The following USO1 variants were observed in gnomAD, a reference collection of about 807,000 sequenced individuals.
USO1 encodes USO1 vesicle transport factor.
USO1 carries 57 observed loss-of-function variants against 124.5 expected under a neutral mutation model. The ratio of observed to expected loss-of-function variants is 0.46; its 90% CI spans 0.37 to 0.57. The LOEUF is 0.57. Ranked by LOEUF, USO1 falls within the 20% of genes least tolerant of loss-of-function variation. The pLI is 0.00. For synonymous variants in USO1, 369 were observed against 362.8 expected (o/e 1.02, Z -0.19); for missense variants, 900 against 1,040.6 (o/e 0.86, Z 1.86).
chr4:75,724,636 T>C lies in USO1; in HGVS notation c.-184T>C, dbSNP rs1390401627. 1 of 601,584 alleles carries C rather than the reference T, an allele frequency of 1.7e-6. No homozygotes were observed. 37.3% of individuals were successfully genotyped at this position (601,584 alleles called of 1,614,324 possible). ...TGCCACGTCCCCGCGCATGCGCATC[T>C]TGGCCGCTGCTGGCGGCTGTTTCCG... On this transcript the variant is annotated 5_prime_UTR_variant, in exon 1 of 24. Coordinates refer to ENST00000514213, the MANE Select transcript of USO1 (RefSeq NM_003715.4).
chr4:75,734,810 C>A (rs1720742387), intron 1 of USO1, among the ~76,000 whole-genome samples: 2 of 139,560 alleles, frequency 1.4e-5, no homozygotes, highest in Non-Finnish European at 3.0e-5. Context: ...CTCACTGCAA[C>A]CTCTGTCTCC....
intron 17 of USO1, among the ~76,000 whole-genome samples, chr4:75,802,736 C>CTTTT (rs997798305): frequency 0.014 from 859 of 63,396 alleles, no homozygotes; most frequent in East Asian, 0.029. Flanking sequence ...TTTTTCTTTT[C>CTTTT]TTTTTTTTTT....
intron 17 of USO1, among the ~76,000 whole-genome samples, chr4:75,802,230 A>G (rs149071413): frequency 3.1e-3 from 469 of 152,388 alleles, no homozygotes; most frequent in African/African-American, 0.011. Context: ...TAATCTTAGA[A>G]TGGTAAAATT....
chr4:75,736,780 C>T (rs1178116713), intron 1 of USO1, among the ~76,000 whole-genome samples: 1 of 152,176 alleles, frequency 6.6e-6, no homozygotes, highest in Non-Finnish European at 1.5e-5. Flanking sequence ...TTTCTCAGAG[C>T]ACCTAATACC....
chr4:75,807,898 AT>A (rs1220212858), intron 20 of USO1, among the ~76,000 whole-genome samples: 1 of 151,984 alleles, frequency 6.6e-6, no homozygotes, highest in Non-Finnish European at 1.5e-5. Flanking sequence ...AAATATATGT[AT>A]TTTTTAAGTG....
Position 75,762,944 on chromosome 4 carries a change from A to G in USO1, c.295+5371A>G, listed in dbSNP as rs536803343. Among the ~76,000 whole-genome samples the G allele has an allele frequency of 1.0e-3, 152 of 152,336 alleles. 2 individuals carry two copies. Among genetic ancestry groups the G allele is most frequent in the Non-Finnish European group, 1.9e-3 (128 of 68,024 alleles). On this transcript the variant is annotated intron_variant, in intron 4 of 23. Coordinates refer to ENST00000514213, the MANE Select transcript of USO1 (RefSeq NM_003715.4). ...CTCCGTCTCAAAACAAAAACAACAA[A>G]AAAAGTATACATGTACCTGTTTAAT... is the stretch of plus-strand genomic sequence containing the variant.
intron 13 of USO1, among the ~76,000 whole-genome samples, chr4:75,798,668 A>G (rs1272014772): frequency 6.6e-6 from 1 of 152,212 alleles, no homozygotes; most frequent in Non-Finnish European, 1.5e-5. Flanking sequence ...TGAAATTAGA[A>G]TAGTCTGGGT....
At chr4:75,799,461 A>G (rs1196558048) in intron 13 of USO1, among the ~76,000 whole-genome samples, 161 bp from the exon 14 acceptor site, 3 of 152,186 alleles carry the variant, frequency 2.0e-5, no homozygotes, top group African/African-American at 7.2e-5. Context: ...GGTGCATACA[A>G]TAATTTATTC....
rs745415971 is a variant in USO1 at position 75,724,783 on chromosome 4, C to T, written c.-37C>T. The T allele has an allele frequency of 9.9e-6, 16 of 1,609,280 alleles. No individual in the cohort carries two copies. The African/African-American group carries it at 2.0e-4, about 20-fold the overall frequency. On this transcript the variant is annotated 5_prime_UTR_variant, in exon 1 of 24. Transcript: ENST00000514213. ...CGGGGGAAGTTGTCTTCTTTTTTTT[C>T]CGGAGGGGCCGGTAAACCTGGTGGC... is the stretch of plus-strand genomic sequence containing the variant.
intron 4 of USO1, among the ~76,000 whole-genome samples, chr4:75,762,806 T>G (rs1392420059): frequency 6.6e-6 from 1 of 152,108 alleles, no homozygotes; most frequent in Admixed American, 6.6e-5. Flanking sequence ...CGGGCCCCTG[T>G]AGTCCCAGCT....
chr4:75,807,383 A>C (rs1434962060), intron 20 of USO1, among the ~76,000 whole-genome samples: 1 of 146,922 alleles, frequency 6.8e-6, no homozygotes, highest in Non-Finnish European at 1.5e-5. Context: ...TTTTTTTTTT[A>C]ATCCAAGCAA....
Position 75,813,376 on chromosome 4 carries a change from A to C in USO1, c.*81A>C, listed in dbSNP as rs1723204988. On this transcript the variant is annotated 3_prime_UTR_variant, in exon 24 of 24. Transcript: ENST00000514213. ...AAACTTTGGTTTACCTCCATGGAAA[A>C]TAAAGATTTAGAAACCAGGTGGAAA... The C allele has an allele frequency of 3.6e-6, 5 of 1,390,110 alleles. No homozygotes were observed. Among genetic ancestry groups the C allele is most frequent in the Non-Finnish European group, 4.7e-6 (5 of 1,057,710 alleles). 86.1% of individuals were successfully genotyped at this position (1,390,110 alleles called of 1,614,324 possible). A position where few individuals can be genotyped will look rare whatever the true frequency, so the allele number is the denominator to read the frequency against.
intron 12 of USO1, among the ~76,000 whole-genome samples, chr4:75,791,203 T>A (rs1314736027): frequency 6.6e-6 from 1 of 152,142 alleles, no homozygotes. Context: ...GTAAACAGAA[T>A]CTACTGTTAA....
Position 75,782,688 on chromosome 4 carries a change from G to T in USO1, c.685G>T (p.Val229Phe). 6.4e-7 allele frequency: 1 copy of T among 1,561,204 alleles called. No homozygotes were observed. The highest frequency in any genetic ancestry group is 8.7e-7 in the Non-Finnish European group (1 of 1,152,936). The change falls in exon 9 of 24, where the codon GTT becomes TTT. Residue 229 changes from valine (V) to phenylalanine (F), a missense_variant. Val to Phe is a conservative substitution (Grantham distance 50). This residue lies in a region of USO1 where 538 missense variants were observed against 681.6 expected (regional missense o/e 0.79). Transcript: ENST00000514213. ...TTACATTATTTCCCCAGGTATAGTA[G>T]TTGAAGATTGTTTGATTTTGCTCCA... is the stretch of plus-strand genomic sequence containing the variant. Reference protein sequence around the residue: ...EEGNSDGGIVVEDCLILLQNL... With the variant: ...EEGNSDGGIVFEDCLILLQNL...
At position 75,757,476 on chromosome 4, in the gene USO1, GTAA is replaced by G. The variant is rs779224044; in HGVS notation, c.219-16_219-14del. On this transcript the variant is annotated intron_variant, in intron 3 of 23. Coordinates refer to ENST00000514213, the MANE Select transcript of USO1 (RefSeq NM_003715.4). ...ATACTCTCATCAGCAGTGTATAAGT[GTAA>G]TAATTTCTTTTTTCCAGTTCAGATT... 1.4e-6 allele frequency: 2 copies of G among 1,476,080 alleles called. No individual in the cohort carries two copies. Among genetic ancestry groups the G allele is most frequent in the African/African-American group, 1.5e-5 (1 of 68,874 alleles). The allele number at this position is 1,476,080 out of a possible 1,614,324, so 91.4% of individuals were successfully genotyped here.
chr4:75,799,279 T>C (rs1343252878), intron 13 of USO1, among the ~76,000 whole-genome samples: 1 of 152,132 alleles, frequency 6.6e-6, no homozygotes, highest in Admixed American at 6.5e-5. Context: ...TTGGCAAATT[T>C]ATTGTAAAGG....
intron 1 of USO1, among the ~76,000 whole-genome samples, chr4:75,747,900 CTTTTTTTTTT>C (rs34689475): frequency 7.7e-4 from 34 of 44,298 alleles, no homozygotes; most frequent in Non-Finnish European, 1.2e-3. Flanking sequence ...CTCACCTGGC[CTTTTTTTTTT>C]TTTTTTTTTT....
chr4:75,805,489 C>A (rs986835848), intron 19 of USO1, among the ~76,000 whole-genome samples, 186 bp downstream of exon 19: 2 of 151,930 alleles, frequency 1.3e-5, no homozygotes, highest in East Asian at 3.9e-4. Flanking sequence ...GGCGGATCAC[C>A]TGAGGTCAGG....
In USO1 at chr4:75,800,751, T is replaced by C. The variant is rs1238560135; in HGVS notation, c.1816T>C (p.Tyr606His). The stretch of plus-strand genomic sequence containing the variant: ...CCAGCCAAACTTTCCCAGTCCAGAA[T>C]ACATGATATTTGATCATGAGTTTAC... ...KPQPNFPSPE[Y>H]MIFDHEFTKL... Residue 606 changes from tyrosine (Y) to histidine (H), a missense_variant, in exon 16 of 24, where the codon TAC becomes CAC. Around this residue, in one of 2 missense-constraint regions of USO1, gnomAD observed 538 missense variants for 681.6 expected, o/e 0.79. Coordinates refer to ENST00000514213, the MANE Select transcript of USO1 (RefSeq NM_003715.4). The C allele has an allele frequency of 6.2e-7, 1 of 1,613,622 alleles. No homozygotes were observed. Among genetic ancestry groups the C allele is most frequent in the Admixed American group, 1.7e-5 (1 of 59,976 alleles).
Sources: gnomAD v4.1 joint callset for allele counts (sites outside exome capture counted in the v4.1 genomes callset) on GRCh38, gnomAD v4.1.1 for gene constraint, gnomAD v4.1.1 regional missense constraint, MANE v1.5 for transcripts, NCBI Gene and HGNC (gene_info 2026-07-23, HGNC 2026-07-21) for gene names.